Variants in RAMP1 observed in about 807,000 individuals in gnomAD.
RAMP1 encodes the protein receptor activity-modifying protein 1.
A neutral mutation model predicts 8.2 loss-of-function variants in RAMP1; 7 were observed. The ratio of observed to expected loss-of-function variants is 0.85; its 90% CI spans 0.49 to 1.60. The LOEUF (loss-of-function observed/expected upper bound fraction) is 1.60. Ranked by LOEUF, RAMP1 falls within the 40% of genes most tolerant of loss-of-function variation. RAMP1 has a pLI of 0.00. For missense variants in RAMP1, 192 were observed against 202.4 expected (o/e 0.95, Z 0.31); for synonymous variants, 92 against 84.7 (o/e 1.09, Z -0.47).
chr2:237,904,966 C>T (rs1180204630), intron 2 of RAMP1, among the ~76,000 whole-genome samples: 1 of 152,104 alleles, frequency 6.6e-6, no homozygotes, highest in Non-Finnish European at 1.5e-5. Context: ...GTAGATGACT[C>T]ACCTGTGAGC....
intron 2 of RAMP1, among the ~76,000 whole-genome samples, chr2:237,889,300 T>C (rs2062466646): frequency 6.6e-6 from 1 of 152,226 alleles, no homozygotes; most frequent in African/African-American, 2.4e-5. Context: ...GCCCACAAGA[T>C]TATGTTCTGT....
chr2:237,883,717 G>C (rs12623365), intron 2 of RAMP1, among the ~76,000 whole-genome samples: 1 of 151,480 alleles, frequency 6.6e-6, no homozygotes, highest in Non-Finnish European at 1.5e-5. Flanking sequence ...TTGGGAGGCT[G>C]AGGCGGGAGG....
At chr2:237,910,659 TCA>T (rs200083828) in intron 2 of RAMP1, among the ~76,000 whole-genome samples, 1 of 131,890 alleles carries the variant, frequency 7.6e-6, no homozygotes, top group Non-Finnish European at 1.7e-5. Flanking sequence ...ACACACACAG[TCA>T]CACACAGGGA....
At chr2:237,860,536 C>T (rs2062122514) in intron 1 of RAMP1, among the ~76,000 whole-genome samples, 1 of 152,164 alleles carries the variant, frequency 6.6e-6, no homozygotes, top group African/African-American at 2.4e-5. Context: ...TAATGTGTTC[C>T]TAAAATGCTA....
chr2:237,907,061 G>T (rs2062660758), intron 2 of RAMP1, among the ~76,000 whole-genome samples: 1 of 152,128 alleles, frequency 6.6e-6, no homozygotes, highest in Non-Finnish European at 1.5e-5. Flanking sequence ...TCTAGGTATA[G>T]AATTCCAGGC....
At chr2:237,902,152 TCTC>T (rs2062605059) in intron 2 of RAMP1, among the ~76,000 whole-genome samples, 2 of 151,670 alleles carry the variant, frequency 1.3e-5, no homozygotes, top group East Asian at 3.9e-4. Context: ...GGGGGATGCC[TCTC>T]CTCCGGGGGC....
At chr2:237,866,180 C>T (rs1176948211) in intron 1 of RAMP1, among the ~76,000 whole-genome samples, 1 of 152,050 alleles carries the variant, frequency 6.6e-6, no homozygotes, top group African/African-American at 2.4e-5. Flanking sequence ...CCACAGAGAT[C>T]TCATTTCTCC....
chr2:237,904,280 G>A (rs1009352935), intron 2 of RAMP1, among the ~76,000 whole-genome samples: 2 of 151,468 alleles, frequency 1.3e-5, no homozygotes, highest in Non-Finnish European at 1.5e-5. Flanking sequence ...TAGCCAGGGC[G>A]TGGTGGCGGG....
intron 2 of RAMP1, among the ~76,000 whole-genome samples, chr2:237,908,063 C>G (rs931770097): frequency 2.0e-5 from 3 of 152,226 alleles, no homozygotes; most frequent in African/African-American, 7.2e-5. Flanking sequence ...TCAAGTACCT[C>G]TAGCAATGAG....
intron 2 of RAMP1, among the ~76,000 whole-genome samples, chr2:237,879,642 C>T (rs545396397): frequency 6.3e-4 from 78 of 124,136 alleles, no homozygotes; most frequent in Non-Finnish European, 1.1e-3. Flanking sequence ...TGTATACATA[C>T]GTAACAAACC....
intron 1 of RAMP1, among the ~76,000 whole-genome samples, chr2:237,876,445 C>A (rs1172281507): frequency 6.6e-6 from 1 of 152,070 alleles, no homozygotes; most frequent in African/African-American, 2.4e-5. Context: ...GGCTGGGGGT[C>A]CCCCCTGGGC....
intron 1 of RAMP1, among the ~76,000 whole-genome samples, chr2:237,872,082 C>T (rs916767331): frequency 5.9e-5 from 9 of 152,236 alleles, no homozygotes; most frequent in South Asian, 2.1e-4. Flanking sequence ...CACCCTCCTG[C>T]GATGGTATCG....
chr2:237,902,297 G>A (rs1488843810), intron 2 of RAMP1, among the ~76,000 whole-genome samples: 2 of 145,602 alleles, frequency 1.4e-5, no homozygotes, highest in East Asian at 2.0e-4. Context: ...GGATCGGGAG[G>A]AGGAGGAGGG....
intron 2 of RAMP1, among the ~76,000 whole-genome samples, chr2:237,893,519 T>G (rs1377906497): frequency 6.6e-6 from 1 of 152,240 alleles, no homozygotes; most frequent in African/African-American, 2.4e-5. Context: ...ATTTTTGCCT[T>G]CTTTCACTTC....
chr2:237,888,003 T>G (rs1404250283), intron 2 of RAMP1, among the ~76,000 whole-genome samples: 2 of 149,878 alleles, frequency 1.3e-5, no homozygotes, highest in African/African-American at 5.1e-5. Context: ...CTGGGAGAAA[T>G]AATTCATGCA....
chr2:237,906,432 G>A (rs1026023773), intron 2 of RAMP1, among the ~76,000 whole-genome samples: 14 of 152,154 alleles, frequency 9.2e-5, no homozygotes, highest in Admixed American at 8.5e-4. Context: ...TGGGATGCCG[G>A]AGAGGCCCCT....
rs2151026059 is a variant in RAMP1, at chr2:237,911,625, C to T, written c.289C>T (p.His97Tyr). ...AEVDRFFLAV[H>Y]GRYFRSCPIS... ...GGTGGACAGGTTCTTCCTGGCAGTG[C>T]ATGGCCGCTACTTCAGGAGCTGCCC... Residue 97 changes from histidine (H) to tyrosine (Y), a missense_variant, in exon 3 of 3, where the codon CAT becomes TAT. Transcript: ENST00000254661. 3 of 1,614,136 alleles carry T rather than the reference C, an allele frequency of 1.9e-6. No homozygotes were observed. Among genetic ancestry groups the T allele is most frequent in the East Asian group, 4.5e-5 (2 of 44,880 alleles).
At chr2:237,906,553 T>G (rs2062653301) in intron 2 of RAMP1, among the ~76,000 whole-genome samples, 1 of 152,136 alleles carries the variant, frequency 6.6e-6, no homozygotes, top group Admixed American at 6.6e-5. Context: ...AGTACCCTTC[T>G]ATTGTCTTCA....
intron 2 of RAMP1, among the ~76,000 whole-genome samples, chr2:237,905,849 A>G (rs948731674): frequency 2.6e-5 from 4 of 151,986 alleles, no homozygotes. Context: ...CATCTCTACT[A>G]AAAATACAAA....
Sources: allele counts gnomAD v4.1 joint callset (sites outside exome capture counted in the v4.1 genomes callset), GRCh38; gene constraint gnomAD v4.1.1; transcripts MANE v1.5; gene names NCBI Gene and HGNC (gene_info 2026-07-23, HGNC 2026-07-21).